CAMK2B: variants seen among roughly 807,000 people sequenced by gnomAD.
CAMK2B encodes the protein calcium/calmodulin-dependent protein kinase type II subunit beta.
A neutral mutation model predicts 93.7 loss-of-function variants in CAMK2B; 27 were observed. The observed-to-expected ratio is 0.29, with a 90% CI of 0.21 to 0.40. The LOEUF (loss-of-function observed/expected upper bound fraction) is 0.40. Among genes scored for constraint, CAMK2B ranks in the 10% least tolerant of loss-of-function variants. CAMK2B has a pLI of 1.00. For missense variants in CAMK2B, 568 were observed against 895.8 expected (o/e 0.63, Z 4.67); for synonymous variants, 374 against 358.8 (o/e 1.04, Z -0.48).
rs1234011110 is a variant in CAMK2B, at chr7:44,226,508, C to T, written c.1597+8G>A. The T allele has an allele frequency of 2.1e-6, 3 of 1,420,978 alleles. No homozygotes were observed. The Admixed American group carries it at 8.7e-5, about 41-fold the overall frequency. 88.0% of individuals were successfully genotyped at this position (1,420,978 alleles called of 1,614,324 possible). ...GCCGCTGCCACGGCCACTCAAGGTG[C>T]TACTTACATGGGGTGGGCAGGGGGC... On this transcript the variant is annotated splice_region_variant and intron_variant, in intron 20 of 23. Coordinates refer to ENST00000395749, the MANE Select transcript of CAMK2B (RefSeq NM_001220.5).
chr7:44,321,764 T>G (rs1210325281), intron 1 of CAMK2B, among the ~76,000 whole-genome samples: 1 of 152,136 alleles, frequency 6.6e-6, no homozygotes, highest in Non-Finnish European at 1.5e-5. Context: ...AATGGAAGAT[T>G]CACGAGGCTG....
At position 44,269,686 on chromosome 7, in the gene CAMK2B, C is replaced by T. The variant is rs755918475; in HGVS notation, c.161-6622G>A. ...CAGGAGGACACTGCAGGGCACTGGG[C>T]GGGGGCGGCGGAGGGGCAGGAGGGG... On this transcript the variant is annotated intron_variant, in intron 2 of 23. Transcript: ENST00000395749. Among the ~76,000 whole-genome samples the T allele has an allele frequency of 1.1e-3, 171 of 151,962 alleles. 2 individuals carry two copies. Among genetic ancestry groups the T allele is most frequent in the Non-Finnish European group, 2.0e-3 (137 of 67,912 alleles).
chr7:44,293,185 TC>T (rs2129146349), intron 1 of CAMK2B, among the ~76,000 whole-genome samples: 1 of 152,190 alleles, frequency 6.6e-6, no homozygotes, highest in South Asian at 2.1e-4. Flanking sequence ...ACCTGCCAGG[TC>T]CCCAGTCACC....
intron 1 of CAMK2B, among the ~76,000 whole-genome samples, chr7:44,324,405 A>G (rs943961439): frequency 8.3e-5 from 8 of 96,634 alleles, no homozygotes; most frequent in Admixed American, 6.8e-4. Flanking sequence ...AGCCACCTTG[A>G]TTCTCAGAAC....
intron 1 of CAMK2B, among the ~76,000 whole-genome samples, chr7:44,310,612 T>A (rs921085668): frequency 6.6e-6 from 1 of 152,216 alleles, no homozygotes; most frequent in Non-Finnish European, 1.5e-5. Flanking sequence ...CACAATGGAA[T>A]ATTATTCAGC....
intron 1 of CAMK2B, among the ~76,000 whole-genome samples, chr7:44,297,102 T>C (rs545635259): frequency 3.3e-5 from 5 of 152,224 alleles, no homozygotes; most frequent in African/African-American, 9.6e-5. Flanking sequence ...TTATCACTTA[T>C]GGATAAGTGA....
In CAMK2B at chr7:44,286,185, C is replaced by T. The variant is rs1180902326; in HGVS notation, c.66-1960G>A. 1.3e-5 allele frequency among the ~76,000 whole-genome samples: 2 copies of T among 152,068 alleles called. No individual in the cohort carries two copies. Among genetic ancestry groups the T allele is most frequent in the Middle Eastern group, 3.4e-3 (1 of 294 alleles). On this transcript the variant is annotated intron_variant, in intron 1 of 23. Coordinates refer to ENST00000395749, the MANE Select transcript of CAMK2B (RefSeq NM_001220.5). This position sits in a 1 kb window ranked among gnomAD's most constrained non-coding sequence, Gnocchi z 4.0. ...CCGGGGCCACTGTGTGGCTGTTTGC[C>T]GGACTTCTTGCTCAGGAGAGGTAAG...
intron 21 of CAMK2B, 43 bp downstream of exon 21, chr7:44,220,783 C>T (rs770124915): frequency 8.3e-6 from 13 of 1,560,154 alleles, no homozygotes; most frequent in East Asian, 4.8e-5. Flanking sequence ...AAGGGTCCCA[C>T]ATCCTTGTCC....
chr7:44,226,642 G>T lies in CAMK2B; in HGVS notation c.1471C>A (p.Pro491Thr), dbSNP rs2128886476. ...ALLGPLSSPS[P>T]RISDILNSVR... is the part of the protein sequence containing the mutation. Reference sequence around the variant, plus strand: ...GAGTTCAGGATGTCAGAGATCCTGGGGGCTGGGGCGGAACAGACGAGACGT... The same window carrying T: ...GAGTTCAGGATGTCAGAGATCCTGGTGGCTGGGGCGGAACAGACGAGACGT... The change falls in exon 20 of 24, where the codon CCC becomes ACC. Residue 491 changes from proline (P) to threonine (T), a missense_variant and splice_region_variant. Pro to Thr is a conservative substitution (Grantham distance 38). This residue lies in a region of CAMK2B where 308 missense variants were observed against 292.1 expected (regional missense o/e 1.05). Coordinates refer to ENST00000395749, the MANE Select transcript of CAMK2B (RefSeq NM_001220.5). The T allele has an allele frequency of 1.9e-6, 3 of 1,541,370 alleles. No homozygotes were observed. The East Asian group carries it at 7.8e-5, about 40-fold the overall frequency.
chr7:44,309,434 C>T (rs1363605413), intron 1 of CAMK2B, among the ~76,000 whole-genome samples: 4 of 152,174 alleles, frequency 2.6e-5, no homozygotes, highest in Non-Finnish European at 4.4e-5. Context: ...CCTCCAGCCC[C>T]GGGGCCCACC....
intron 20 of CAMK2B, among the ~76,000 whole-genome samples, chr7:44,221,678 A>C (rs2096409048): frequency 6.6e-6 from 1 of 151,982 alleles, no homozygotes; most frequent in South Asian, 2.1e-4. Flanking sequence ...CCGCACCCCC[A>C]TGCCCGGGCT....
Position 44,239,490 on chromosome 7 carries a change from G to A in CAMK2B, c.1021+99C>T, listed in dbSNP as rs765927820. ...CCGGGGGCCTGGCGGCCTCTGGGGC[G>A]GCTCTGGAGCCCGGCCAGCGGCTGC... On this transcript the variant is annotated intron_variant, in intron 13 of 23. Coordinates refer to ENST00000395749, the MANE Select transcript of CAMK2B (RefSeq NM_001220.5). 6.7e-5 allele frequency: 75 copies of A among 1,124,488 alleles called. 1 individual carries two copies. The highest frequency in any genetic ancestry group is 1.1e-4 in the South Asian group (8 of 74,220). The allele number at this position is 1,124,488 out of a possible 1,614,324, so 69.7% of individuals were successfully genotyped here.
At chr7:44,262,980 C>T (rs1430419305) in intron 3 of CAMK2B, 25 bp downstream of exon 3, 1 of 1,606,458 alleles carries the variant, frequency 6.2e-7, no homozygotes, top group South Asian at 1.1e-5. Context: ...GGACCCATCC[C>T]CGCTCCCTAC....
At chr7:44,298,862 A>T (rs1789079389) in intron 1 of CAMK2B, among the ~76,000 whole-genome samples, 1 of 152,090 alleles carries the variant, frequency 6.6e-6, no homozygotes, top group Non-Finnish European at 1.5e-5. Flanking sequence ...ACTATTATAA[A>T]TTTTTTTTAA....
intron 1 of CAMK2B, among the ~76,000 whole-genome samples, chr7:44,304,953 C>A (rs981252652): frequency 6.6e-6 from 1 of 150,706 alleles, no homozygotes; most frequent in Non-Finnish European, 1.5e-5. Context: ...AAAATTGTAT[C>A]TTTAAAACAC....
At chr7:44,259,891 A>G (rs1303764125) in intron 3 of CAMK2B, among the ~76,000 whole-genome samples, 2 of 152,132 alleles carry the variant, frequency 1.3e-5, no homozygotes, top group African/African-American at 4.8e-5. Flanking sequence ...GTGTTATTTC[A>G]TTTAACCTTC....
rs1239169240 is a variant in CAMK2B at position 44,239,633 on chromosome 7, A to G, written c.977T>C (p.Met326Thr). ...VGRQTTAPAT[M>T]STAASGTTMG... is the part of the protein sequence containing the mutation. ...GGTGGTGCCGGAGGCCGCGGTGGAC[A>G]TTGTGGCCGGAGCGGTGGTCTGTCT... Residue 326 changes from methionine to threonine, a missense_variant, in exon 13 of 24, where the codon ATG becomes ACG. Physicochemically the swap from Met to Thr is moderately conservative, Grantham distance 81 (BLOSUM62 -1). Coordinates refer to ENST00000395749, the MANE Select transcript of CAMK2B (RefSeq NM_001220.5). The G allele has an allele frequency of 2.2e-6, 3 of 1,356,560 alleles. No homozygotes were observed. Among genetic ancestry groups the G allele is most frequent in the Non-Finnish European group, 2.9e-6 (3 of 1,025,684 alleles). The allele number at this position is 1,356,560 out of a possible 1,614,324, so 84.0% of individuals were successfully genotyped here.
intron 1 of CAMK2B, among the ~76,000 whole-genome samples, chr7:44,313,917 G>A (rs772013437): frequency 1.3e-5 from 2 of 151,686 alleles, no homozygotes; most frequent in Non-Finnish European, 2.9e-5. Context: ...AAGACACTTC[G>A]CAGCAGAGGC....
At chr7:44,295,345 C>G (rs890032239) in intron 1 of CAMK2B, among the ~76,000 whole-genome samples, 2 of 152,258 alleles carry the variant, frequency 1.3e-5, no homozygotes, top group African/African-American at 4.8e-5. Context: ...TTAGATCCAT[C>G]AGAGAACTGA....
Sources: allele counts gnomAD v4.1 joint callset (sites outside exome capture counted in the v4.1 genomes callset), GRCh38; gene constraint gnomAD v4.1.1; regional missense constraint gnomAD v4.1.1; non-coding constraint Gnocchi (gnomAD v3.1); transcripts MANE v1.5; gene names NCBI Gene and HGNC (gene_info 2026-07-23, HGNC 2026-07-21).